ZBTB20: variants seen among roughly 807,000 people sequenced by gnomAD.
ZBTB20 encodes the protein zinc finger and BTB domain-containing protein 20.
In ZBTB20, 9 loss-of-function variants were observed where a neutral mutation model predicts 56.9. The ratio of observed to expected loss-of-function variants is 0.16; its 90% CI spans 0.10 to 0.28. ZBTB20 has a LOEUF of 0.28. ZBTB20 is among the 10% of genes least tolerant of loss of function. The pLI is 1.00. For missense variants in ZBTB20, 655 were observed against 1,003.0 expected, an observed-to-expected ratio of 0.65 and a Z score of 4.69; for synonymous variants, 417 against 420.7, an observed-to-expected ratio of 0.99 and a Z score of 0.11.
intron 1 of ZBTB20, among the ~76,000 whole-genome samples, chr3:115,119,688 T>C (rs1470878324): frequency 6.6e-6 from 1 of 152,212 alleles, no homozygotes; most frequent in East Asian, 1.9e-4. Flanking sequence ...CTATTTTATC[T>C]AAATACCAAT....
intron 2 of ZBTB20, among the ~76,000 whole-genome samples, chr3:115,041,860 A>T (rs1269157719): frequency 6.6e-6 from 1 of 152,198 alleles, no homozygotes; most frequent in African/African-American, 2.4e-5. Flanking sequence ...TTTATTTAGT[A>T]GTGTGGAAGG....
chr3:115,076,097 C>T (rs1484050682), intron 1 of ZBTB20, among the ~76,000 whole-genome samples: 1 of 151,924 alleles, frequency 6.6e-6, no homozygotes, highest in Admixed American at 6.6e-5. Flanking sequence ...AACTACAAAA[C>T]ATTGATGAAA....
At chr3:114,488,319 T>G (rs1307307769) in intron 7 of ZBTB20, among the ~76,000 whole-genome samples, 1 of 152,220 alleles carries the variant, frequency 6.6e-6, no homozygotes, top group African/African-American at 2.4e-5. Context: ...GACGGCTCAT[T>G]TGTCTTTTCC....
intron 3 of ZBTB20, among the ~76,000 whole-genome samples, chr3:114,963,766 CTT>C: frequency 6.6e-6 from 1 of 151,882 alleles, no homozygotes; most frequent in East Asian, 1.9e-4. Flanking sequence ...TTGAAAATGT[CTT>C]TTGTCTTAAA....
At chr3:114,364,708 A>T (rs751709938) in intron 10 of ZBTB20, among the ~76,000 whole-genome samples, 1 of 152,200 alleles carries the variant, frequency 6.6e-6, no homozygotes, top group African/African-American at 2.4e-5. Flanking sequence ...GGCTCACAAT[A>T]TGCTCAGAGT....
intron 4 of ZBTB20, among the ~76,000 whole-genome samples, chr3:114,846,426 A>G (rs1479179404): frequency 6.6e-6 from 1 of 152,236 alleles, no homozygotes; most frequent in African/African-American, 2.4e-5. Context: ...AGCTGCAAGC[A>G]GCCTGACACA....
chr3:114,781,416 T>G (rs960226714), intron 5 of ZBTB20, among the ~76,000 whole-genome samples: 1 of 152,216 alleles, frequency 6.6e-6, no homozygotes, highest in Non-Finnish European at 1.5e-5. Flanking sequence ...AGGGGGGAGA[T>G]AAGGTGTTTC....
intron 10 of ZBTB20, among the ~76,000 whole-genome samples, chr3:114,354,295 C>A (rs1338470732): frequency 4.6e-5 from 7 of 152,214 alleles, no homozygotes; most frequent in Non-Finnish European, 8.8e-5. Flanking sequence ...TGTCTGTGAT[C>A]ATCTCTGTGT....
chr3:114,678,748 G>T (rs763091495), intron 6 of ZBTB20, among the ~76,000 whole-genome samples: 2 of 152,064 alleles, frequency 1.3e-5, no homozygotes, highest in Non-Finnish European at 2.9e-5. Flanking sequence ...CAGAAAGCAC[G>T]AGCATAAGAA....
intron 3 of ZBTB20, among the ~76,000 whole-genome samples, chr3:114,916,334 T>A (rs1428371555): frequency 6.6e-6 from 1 of 152,160 alleles, no homozygotes; most frequent in Non-Finnish European, 1.5e-5. Flanking sequence ...GTAGTTTTTG[T>A]CTTGAAATCT....
At chr3:114,840,902 G>T (rs1268285983) in intron 4 of ZBTB20, among the ~76,000 whole-genome samples, 1 of 151,868 alleles carries the variant, frequency 6.6e-6, no homozygotes, top group African/African-American at 2.4e-5. Context: ...TTCAAGAACC[G>T]ATCTTTCTTA....
At chr3:115,104,605 A>G (rs1430348971) in intron 1 of ZBTB20, among the ~76,000 whole-genome samples, 1 of 152,196 alleles carries the variant, frequency 6.6e-6, no homozygotes, top group African/African-American at 2.4e-5. Context: ...ATTGCCTTCT[A>G]TCCACTGTAC....
intron 1 of ZBTB20, among the ~76,000 whole-genome samples, chr3:115,103,370 G>A (rs1010761472): frequency 6.6e-6 from 1 of 152,090 alleles, no homozygotes; most frequent in Non-Finnish European, 1.5e-5. Context: ...TATATGGAGA[G>A]GCAAAAGACT....
chr3:115,120,303 CT>C (rs2084147539), intron 1 of ZBTB20, among the ~76,000 whole-genome samples: 1 of 152,014 alleles, frequency 6.6e-6, no homozygotes, highest in Non-Finnish European at 1.5e-5. Flanking sequence ...ATCTCCGTAT[CT>C]TATGCTCAAA....
chr3:114,354,573 G>T (rs2466357), intron 10 of ZBTB20, among the ~76,000 whole-genome samples: 86,691 of 136,126 alleles, frequency 0.64, 26,808 homozygotes, highest in East Asian at 0.88. Context: ...GTTTTTTTTT[G>T]TTTTGTTTTG....
At chr3:114,704,137 C>T (rs1388817107) in intron 5 of ZBTB20, among the ~76,000 whole-genome samples, 1 of 152,068 alleles carries the variant, frequency 6.6e-6, no homozygotes, top group Middle Eastern at 3.2e-3. Flanking sequence ...TATTTTCTTA[C>T]CTCACACTGA....
At chr3:114,410,607 T>C (rs1338275091) in intron 7 of ZBTB20, among the ~76,000 whole-genome samples, 1 of 152,140 alleles carries the variant, frequency 6.6e-6, no homozygotes, top group Admixed American at 6.5e-5. Flanking sequence ...CTGAAATGTG[T>C]TCACATCAAA....
chr3:114,416,305 T>C (rs2088544884), intron 7 of ZBTB20, among the ~76,000 whole-genome samples: 1 of 139,882 alleles, frequency 7.1e-6, no homozygotes, highest in Non-Finnish European at 1.5e-5. Context: ...CATATGATAA[T>C]TTCAATTCCT....
intron 3 of ZBTB20, among the ~76,000 whole-genome samples, chr3:114,922,812 A>C (rs966057105): frequency 1.0e-4 from 1 of 9,868 alleles, no homozygotes; most frequent in Non-Finnish European, 2.5e-4. Flanking sequence ...ATAGAGAAAG[A>C]AATCACTCAA....
Sources: allele counts gnomAD v4.1 joint callset (sites outside exome capture counted in the v4.1 genomes callset), GRCh38; gene constraint gnomAD v4.1.1; transcripts MANE v1.5; gene names NCBI Gene and HGNC (gene_info 2026-07-23, HGNC 2026-07-21).